The following SMIM45 variants were observed in gnomAD, a reference collection of about 807,000 sequenced individuals.
The protein encoded by SMIM45 is small integral membrane protein 45.
At chr22:41,955,597 G>A in the SMIM45 span, among the ~76,000 whole-genome samples, 1 of 151,928 alleles carries the variant, frequency 6.6e-6, no homozygotes. Context: ...ACGAGGTCAG[G>A]AGATCAAGAC....
the SMIM45 span, among the ~76,000 whole-genome samples, chr22:41,953,142 G>T: frequency 3.3e-5 from 5 of 152,172 alleles, no homozygotes; most frequent in African/African-American, 1.2e-4. Context: ...CAATGTCGGT[G>T]CCTCAGAACA....
chr22:41,956,827 T>G, the SMIM45 span, among the ~76,000 whole-genome samples: 1 of 152,230 alleles, frequency 6.6e-6, no homozygotes, highest in Admixed American at 6.5e-5. Context: ...GTCGCTCTGT[T>G]GCCCAGGCTG....
chr22:41,951,387 A>C, the SMIM45 span, among the ~76,000 whole-genome samples: 34,229 of 152,206 alleles, frequency 0.22, 4,177 homozygotes, highest in African/African-American at 0.28. Flanking sequence ...TGAGAAGCTG[A>C]GGGCTCTGGG....
chr22:41,955,800 C>T, the SMIM45 span, among the ~76,000 whole-genome samples: 2 of 111,018 alleles, frequency 1.8e-5, no homozygotes, highest in Non-Finnish European at 3.5e-5. Context: ...AGCAAGACTC[C>T]GTCTCAAAAA....
the SMIM45 span, among the ~76,000 whole-genome samples, chr22:41,957,376 G>T: frequency 2.4e-3 from 276 of 115,828 alleles, no homozygotes; most frequent in African/African-American, 6.2e-3. Flanking sequence ...TTTTTTTTTT[G>T]TATTTTTAAT....
chr22:41,953,810 G>A, the SMIM45 span, among the ~76,000 whole-genome samples: 1,096 of 146,128 alleles, frequency 7.5e-3, 15 homozygotes, highest in African/African-American at 0.025. Flanking sequence ...GAGTGCAGTG[G>A]CGCCGTCTCG....
the SMIM45 span, among the ~76,000 whole-genome samples, chr22:41,954,847 A>G: frequency 6.6e-6 from 1 of 152,112 alleles, no homozygotes; most frequent in Non-Finnish European, 1.5e-5. Context: ...CTCTACTAAA[A>G]AATACAAAAA....
At chr22:41,955,452 C>T in the SMIM45 span, among the ~76,000 whole-genome samples, 1 of 151,942 alleles carries the variant, frequency 6.6e-6, no homozygotes, top group Non-Finnish European at 1.5e-5. Context: ...GTGCTGGGAT[C>T]ATAGGCATGA....
the SMIM45 span, among the ~76,000 whole-genome samples, chr22:41,956,342 G>A: frequency 1.3e-5 from 2 of 152,160 alleles, no homozygotes; most frequent in African/African-American, 4.8e-5. Flanking sequence ...AGAAACCAAA[G>A]GTCTGAATAT....
At chr22:41,953,032 G>A in the SMIM45 span, among the ~76,000 whole-genome samples, 1 of 152,120 alleles carries the variant, frequency 6.6e-6, no homozygotes, top group Non-Finnish European at 1.5e-5. Context: ...TGGTTAAAAG[G>A]TGCTGGGTCC....
the SMIM45 span, among the ~76,000 whole-genome samples, chr22:41,954,746 G>T: frequency 6.6e-6 from 1 of 152,116 alleles, no homozygotes; most frequent in African/African-American, 2.4e-5. Flanking sequence ...GGTGGCTCAT[G>T]CCTGTAATCC....
At chr22:41,956,324 A>G in the SMIM45 span, among the ~76,000 whole-genome samples, 1 of 152,130 alleles carries the variant, frequency 6.6e-6, no homozygotes, top group South Asian at 2.1e-4. Context: ...TTCCCATTTT[A>G]TAGATGTAGA....
the SMIM45 span, among the ~76,000 whole-genome samples, chr22:41,950,804 G>A: frequency 1.3e-5 from 2 of 152,126 alleles, no homozygotes; most frequent in Non-Finnish European, 2.9e-5. Flanking sequence ...GACCATCCTG[G>A]CCAATATCGT....
At chr22:41,951,963 C>G in the SMIM45 span, among the ~76,000 whole-genome samples, 6 of 152,258 alleles carry the variant, frequency 3.9e-5, no homozygotes, top group Admixed American at 1.3e-4. Context: ...GTGATTCCCC[C>G]TCCCCGCACT....
chr22:41,950,201 CT>C, the SMIM45 span, among the ~76,000 whole-genome samples: 2 of 152,198 alleles, frequency 1.3e-5, no homozygotes, highest in African/African-American at 4.8e-5. Flanking sequence ...GGATCACATA[CT>C]TTACAGATTT....
At chr22:41,948,754 C>A in the SMIM45 span, among the ~76,000 whole-genome samples, 8 of 151,978 alleles carry the variant, frequency 5.3e-5, no homozygotes, top group African/African-American at 1.9e-4. Flanking sequence ...CTCATCTCTA[C>A]AAAAAAATTT....
At chr22:41,947,616 C>T in the SMIM45 span, among the ~76,000 whole-genome samples, 1 of 151,136 alleles carries the variant, frequency 6.6e-6, no homozygotes, top group Non-Finnish European at 1.5e-5. Context: ...GATCCCGCCT[C>T]GGCCTCCCAA....
the SMIM45 span, among the ~76,000 whole-genome samples, chr22:41,952,954 C>T: frequency 3.3e-5 from 5 of 152,148 alleles, no homozygotes; most frequent in Admixed American, 6.5e-5. Flanking sequence ...GGTGCTCCTT[C>T]CCTACCTTCA....
the SMIM45 span, among the ~76,000 whole-genome samples, chr22:41,954,853 A>C: frequency 6.6e-6 from 1 of 152,100 alleles, no homozygotes; most frequent in Non-Finnish European, 1.5e-5. Context: ...TAAAAAATAC[A>C]AAAACTACCT....
Sources: allele counts gnomAD v4.1 joint callset (sites outside exome capture counted in the v4.1 genomes callset), GRCh38; gene constraint gnomAD v4.1.1; transcripts MANE v1.5; gene names NCBI Gene and HGNC (gene_info 2026-07-23, HGNC 2026-07-21).